Variants in CD163L1 observed in about 807,000 individuals in gnomAD.
CD163L1 encodes scavenger receptor cysteine-rich type 1 protein M160.
A neutral mutation model predicts 165.4 loss-of-function variants in CD163L1; 124 were observed. That is an observed-to-expected ratio of 0.75 (90% confidence interval 0.65 to 0.87). CD163L1 has a LOEUF of 0.87. Among genes scored for constraint, CD163L1 ranks in the 40% least tolerant of loss-of-function variants. CD163L1 has a pLI of 0.00. For synonymous variants in CD163L1, 585 were observed against 662.2 expected (o/e 0.88, Z 1.79); for missense variants, 1,525 against 1,799.9 (o/e 0.85, Z 2.76).
the CD163L1 span, among the ~76,000 whole-genome samples, chr12:7,333,187 G>A: frequency 1.2e-4 from 18 of 152,156 alleles, no homozygotes; most frequent in South Asian, 8.3e-4. Flanking sequence ...CAGAATATAC[G>A]TTCTTTTCAG....
chr12:7,336,194 A>C, the CD163L1 span, among the ~76,000 whole-genome samples: 1 of 145,696 alleles, frequency 6.9e-6, no homozygotes, highest in African/African-American at 2.6e-5. Flanking sequence ...TGCTGCTATA[A>C]AGACACATGC....
At chr12:7,440,088 A>C in intron 2 of CD163L1, 1 of 941,242 alleles carries the variant, frequency 1.1e-6, no homozygotes, top group Non-Finnish European at 1.6e-6. Context: ...CAGCGGCGTA[A>C]CGGAAGCCGA....
At chr12:7,357,086 A>G (rs538851629) in intron 19 of CD163L1, among the ~76,000 whole-genome samples, 1 of 152,160 alleles carries the variant, frequency 6.6e-6, no homozygotes, top group Non-Finnish European at 1.5e-5. Flanking sequence ...GAGGTTATCA[A>G]TGAGCAGTAT....
intron 5 of CD163L1, among the ~76,000 whole-genome samples, chr12:7,404,388 C>A (rs758000336): frequency 6.6e-6 from 1 of 151,762 alleles, no homozygotes; most frequent in Admixed American, 6.6e-5. Context: ...CTGTTTTCTA[C>A]GAAGAAGCAA....
At chr12:7,438,886 T>C (rs1387122349) in intron 2 of CD163L1, 18 of 1,590,196 alleles carry the variant, frequency 1.1e-5, no homozygotes, top group Non-Finnish European at 4.3e-6. Context: ...CTGCAGCACT[T>C]TTGCCTCTGT....
Position 7,421,865 on chromosome 12 carries a change from T to G in CD163L1, c.766+10551A>C, listed in dbSNP as rs118016272. Among the ~76,000 whole-genome samples the G allele has an allele frequency of 3.0e-4, 45 of 151,674 alleles. 1 individual carries two copies. The East Asian group carries it at 8.7e-3, about 29-fold the overall frequency. ...GCTAAGCTATGAAGATGCAAAGGCATAAGAATGATATAATGGAGAATAGAG... is the reference window on the plus strand; with the variant it reads ...GCTAAGCTATGAAGATGCAAAGGCAGAAGAATGATATAATGGAGAATAGAG... On this transcript the variant is annotated intron_variant, in intron 4 of 19. Coordinates refer to ENST00000313599, the MANE Select transcript of CD163L1 (RefSeq NM_174941.6).
intron 4 of CD163L1, among the ~76,000 whole-genome samples, chr12:7,421,312 T>C (rs1456714620): frequency 2.6e-5 from 3 of 117,560 alleles, no homozygotes; most frequent in Non-Finnish European, 5.1e-5. Flanking sequence ...TATATATACA[T>C]TTGGAAGATA....
At chr12:7,334,724 T>C in the CD163L1 span, among the ~76,000 whole-genome samples, 22 of 152,364 alleles carry the variant, frequency 1.4e-4, no homozygotes, top group African/African-American at 5.3e-4. Flanking sequence ...GATGACATGA[T>C]TGTGTATCTA....
intron 4 of CD163L1, among the ~76,000 whole-genome samples, chr12:7,417,892 A>T (rs1948277740): frequency 6.6e-6 from 1 of 151,162 alleles, no homozygotes; most frequent in Admixed American, 6.6e-5. Flanking sequence ...TTGTGTCTCA[A>T]AACAGTGTAA....
intron 8 of CD163L1, among the ~76,000 whole-genome samples, chr12:7,390,076 G>GCAGAATAAGC (rs1277083356): frequency 6.6e-6 from 1 of 150,792 alleles, no homozygotes; most frequent in Non-Finnish European, 1.5e-5. Flanking sequence ...ATTATGTTAT[G>GCAGAATAAGC]CAGAATAAGC....
At chr12:7,357,571 G>T (rs1946804035) in intron 18 of CD163L1, 85 bp from the exon 19 acceptor site, 2 of 1,098,276 alleles carry the variant, frequency 1.8e-6, no homozygotes, top group South Asian at 1.3e-5. Context: ...TGTTTGATCA[G>T]CTGGGAAAGT....
the CD163L1 span, among the ~76,000 whole-genome samples, chr12:7,334,563 C>G: frequency 6.6e-6 from 1 of 152,174 alleles, no homozygotes; most frequent in African/African-American, 2.4e-5. Flanking sequence ...CGGAAGCATT[C>G]CCTTTGAAAA....
chr12:7,390,202 T>C lies in CD163L1; in HGVS notation c.2050+5893A>G, dbSNP rs1351481194. On this transcript the variant is annotated intron_variant, in intron 8 of 19. Coordinates refer to ENST00000313599, the MANE Select transcript of CD163L1 (RefSeq NM_174941.6). ...CCAGAGGCTGGGAAGGGTGTGCGTGTGGTGGGCGGACAGGATGAAGACAGG... is the reference window on the plus strand; with the variant it reads ...CCAGAGGCTGGGAAGGGTGTGCGTGCGGTGGGCGGACAGGATGAAGACAGG... Among the ~76,000 whole-genome samples, 3 of 151,630 alleles carry C rather than the reference T, an allele frequency of 2.0e-5. 1 individual carries two copies. The highest frequency in any genetic ancestry group is 7.3e-5 in the African/African-American group (3 of 41,356).
In CD163L1 at chr12:7,347,497, C is replaced by T. The variant is rs1213776439; in HGVS notation, c.*25-350G>A. Among the ~76,000 whole-genome samples the T allele has an allele frequency of 6.6e-6, 1 of 152,114 alleles. No homozygotes were observed. The highest frequency in any genetic ancestry group is 1.5e-5 in the Non-Finnish European group (1 of 68,010). ...TTTCTAAGGTAAAAAGGAATGGTCT[C>T]GGCCGGGCGCGGTGGCTCACGCTTG... On this transcript the variant is annotated intron_variant, in intron 4 of 4. Transcript: ENST00000539726. The surrounding 1 kb of genome is among the most constrained non-coding windows in gnomAD (Gnocchi z 4.2).
chr12:7,443,070 AAC>A (rs1948850094), intron 1 of CD163L1, among the ~76,000 whole-genome samples: 2 of 152,218 alleles, frequency 1.3e-5, no homozygotes, highest in East Asian at 3.8e-4. Flanking sequence ...TCTTTTAAGT[AAC>A]ACACATGAAT....
Position 7,411,293 on chromosome 12 carries a change from T to TA in CD163L1, c.767-4442dup, listed in dbSNP as rs1174320954. ...TAAAATTTCCATTTGTTCAAAGTCT[T>TA]ACTAAAACAAATAACTCCAGTACCC... On this transcript the variant is annotated intron_variant, in intron 4 of 19. Coordinates refer to ENST00000313599, the MANE Select transcript of CD163L1 (RefSeq NM_174941.6). Among the ~76,000 whole-genome samples, 3 of 152,344 alleles carry TA rather than the reference T, an allele frequency of 2.0e-5. No individual in the cohort carries two copies. The South Asian group carries it at 6.2e-4, about 32-fold the overall frequency.
the CD163L1 span, among the ~76,000 whole-genome samples, chr12:7,333,282 C>T: frequency 1.7e-4 from 26 of 152,162 alleles, no homozygotes; most frequent in African/African-American, 5.8e-4. Context: ...AAAATTATAA[C>T]AAACTGTCTC....
At position 7,375,368 on chromosome 12, in the gene CD163L1, T is replaced by C. The variant is rs755918159; in HGVS notation, c.2914A>G (p.Asn972Asp). 38 of 1,614,016 alleles carry C rather than the reference T, an allele frequency of 2.4e-5. No homozygotes were observed. In the South Asian group the frequency reaches 4.1e-4, roughly 17 times the overall value. The change falls in exon 11 of 20, where the codon AAT becomes GAT. Residue 972 changes from asparagine (N) to aspartate (D), a missense_variant. Transcript: ENST00000313599. ...TGACAGTTATCCAGAAGTGACTCAT[T>C]CCCTAAGCAATGAAACCTGTGTCCC... ...VWGHRFHCLGNESLLDNCQMT... is the reference protein window; with the variant it reads ...VWGHRFHCLGDESLLDNCQMT...
the CD163L1 span, among the ~76,000 whole-genome samples, chr12:7,334,954 A>G: frequency 6.6e-6 from 1 of 152,246 alleles, no homozygotes; most frequent in Non-Finnish European, 1.5e-5. Flanking sequence ...GGACCTATTC[A>G]AGGAGAACTA....
Sources: allele counts gnomAD v4.1 joint callset (sites outside exome capture counted in the v4.1 genomes callset), GRCh38; gene constraint gnomAD v4.1.1; non-coding constraint Gnocchi (gnomAD v3.1); transcripts MANE v1.5; gene names NCBI Gene and HGNC (gene_info 2026-07-23, HGNC 2026-07-21).